CFAP299: variants seen among roughly 807,000 people sequenced by gnomAD.
The protein encoded by CFAP299 is cilia and flagella associated protein 299.
A neutral mutation model predicts 27.0 loss-of-function variants in CFAP299; 21 were observed. The ratio of observed to expected loss-of-function variants is 0.78; its 90% confidence interval spans 0.55 to 1.12. CFAP299 has a LOEUF of 1.12. CFAP299 is among the 50% of genes most tolerant of loss of function. CFAP299 has a pLI of 0.00. For missense variants in CFAP299, 310 were observed against 276.6 expected, an observed-to-expected ratio of 1.12 and a Z score of -0.86; for synonymous variants, 104 against 98.1, an observed-to-expected ratio of 1.06 and a Z score of -0.36.
At chr4:80,362,323 C>T (rs1177497378) in intron 1 of CFAP299, among the ~76,000 whole-genome samples, 2 of 150,670 alleles carry the variant, frequency 1.3e-5, no homozygotes, top group African/African-American at 4.9e-5. Context: ...ACAATGAGCT[C>T]TCTCAAAGCA....
chr4:80,817,738 A>G lies in CFAP299; in HGVS notation c.334-52255A>G, dbSNP rs543721681. Among the ~76,000 whole-genome samples, 11 of 150,780 alleles carry G rather than the reference A, an allele frequency of 7.3e-5. No homozygotes were observed. The South Asian group carries it at 8.4e-4, about 12-fold the overall frequency. ...AAGTACAAACAACTTTTTTTTTTCC[A>G]AATTTCTCTTTACCTTTTAGTTGTA... On this transcript the variant is annotated intron_variant, in intron 3 of 5. Transcript: ENST00000358105.
At chr4:80,914,559 G>A (rs569517488) in intron 4 of CFAP299, among the ~76,000 whole-genome samples, 5 of 152,056 alleles carry the variant, frequency 3.3e-5, no homozygotes, top group African/African-American at 9.7e-5. Flanking sequence ...GGAGGAAAAC[G>A]CCTCCCCATA....
chr4:80,821,763 G>A (rs1223362583), intron 3 of CFAP299, among the ~76,000 whole-genome samples: 6 of 152,066 alleles, frequency 3.9e-5, no homozygotes, highest in Non-Finnish European at 5.9e-5. Flanking sequence ...CACAGCACAC[G>A]AATAATAAAC....
At chr4:80,735,855 T>A (rs1160346364) in intron 3 of CFAP299, among the ~76,000 whole-genome samples, 1 of 152,154 alleles carries the variant, frequency 6.6e-6, no homozygotes, top group Non-Finnish European at 1.5e-5. Context: ...TTGTTGAGGT[T>A]TTTTACATAA....
intron 2 of CFAP299, among the ~76,000 whole-genome samples, chr4:80,481,295 G>A (rs1730554502): frequency 6.6e-6 from 1 of 151,958 alleles, no homozygotes; most frequent in Admixed American, 6.6e-5. Context: ...AAAATAATGT[G>A]CTAAAATTAT....
chr4:80,829,843 G>A (rs1486993076), intron 3 of CFAP299, among the ~76,000 whole-genome samples: 1 of 152,062 alleles, frequency 6.6e-6, no homozygotes, highest in Non-Finnish European at 1.5e-5. Context: ...CAAATATACT[G>A]TATGATTCCG....
chr4:80,671,754 GC>G, intron 3 of CFAP299, among the ~76,000 whole-genome samples: 1 of 152,116 alleles, frequency 6.6e-6, no homozygotes, highest in Non-Finnish European at 1.5e-5. Flanking sequence ...ACTCTTTGAA[GC>G]CACTGTGAAT....
In CFAP299 at chr4:80,854,338, T is replaced by C. The variant is rs1168109130; in HGVS notation, c.334-15655T>C. On this transcript the variant is annotated intron_variant, in intron 3 of 5. Coordinates refer to ENST00000358105, the MANE Select transcript of CFAP299 (RefSeq NM_152770.3). ...AATGACTGTAATAGCTAAAGAAATA[T>C]TGAGGATTCTGCTATAAGGAGAAGC... is the stretch of plus-strand genomic sequence containing the variant. 3.3e-5 allele frequency among the ~76,000 whole-genome samples: 5 copies of C among 150,842 alleles called. No individual in the cohort carries two copies. The East Asian group carries it at 7.7e-4, about 23-fold the overall frequency.
At chr4:80,669,702 C>G (rs1264706305) in intron 3 of CFAP299, among the ~76,000 whole-genome samples, 1 of 151,602 alleles carries the variant, frequency 6.6e-6, no homozygotes, top group Non-Finnish European at 1.5e-5. Context: ...TGCCTCACTG[C>G]TCTGGTGAGA....
chr4:80,820,017 A>G (rs1249743752), intron 3 of CFAP299, among the ~76,000 whole-genome samples: 2 of 152,150 alleles, frequency 1.3e-5, no homozygotes, highest in African/African-American at 4.8e-5. Flanking sequence ...CTGAAAAGTG[A>G]TAAGAGAACA....
At chr4:80,844,155 C>G (rs112078394) in intron 3 of CFAP299, among the ~76,000 whole-genome samples, 2,432 of 152,012 alleles carry the variant, frequency 0.016, 29 homozygotes, top group African/African-American at 0.032. Flanking sequence ...GTCTATCATT[C>G]TTGGACATTT....
In CFAP299 at chr4:80,569,184, C is replaced by T. The variant is rs545965811; in HGVS notation, c.243-13909C>T. Reference sequence around the variant, plus strand: ...ACCCTGTTGATAGCTCCATTATACTCTCTCCCCTTAAGCTCTTTCAGTGTT... The same window carrying T: ...ACCCTGTTGATAGCTCCATTATACTTTCTCCCCTTAAGCTCTTTCAGTGTT... On this transcript the variant is annotated intron_variant, in intron 2 of 5. Transcript: ENST00000358105. Among the ~76,000 whole-genome samples, 5 of 152,190 alleles carry T rather than the reference C, an allele frequency of 3.3e-5. No individual in the cohort carries two copies. The South Asian group carries it at 1.0e-3, about 32-fold the overall frequency.
chr4:80,458,264 T>C (rs1336831350), intron 2 of CFAP299, among the ~76,000 whole-genome samples: 1 of 152,252 alleles, frequency 6.6e-6, no homozygotes, highest in Non-Finnish European at 1.5e-5. Flanking sequence ...ATGTTTCTTT[T>C]TCTTCCTGAG....
chr4:80,846,359 C>A (rs59372190), intron 3 of CFAP299, among the ~76,000 whole-genome samples: 1 of 152,058 alleles, frequency 6.6e-6, no homozygotes, highest in African/African-American at 2.4e-5. Context: ...CTGTGAACTC[C>A]ATGAGGTCAG....
At chr4:80,532,752 C>A (rs988896564) in intron 2 of CFAP299, among the ~76,000 whole-genome samples, 1 of 150,254 alleles carries the variant, frequency 6.7e-6, no homozygotes, top group Non-Finnish European at 1.5e-5. Flanking sequence ...ATTTATAAAT[C>A]TCTGTGTTAT....
At chr4:80,901,618 G>A (rs1417496835) in intron 4 of CFAP299, among the ~76,000 whole-genome samples, 1 of 151,878 alleles carries the variant, frequency 6.6e-6, no homozygotes, top group Non-Finnish European at 1.5e-5. Context: ...GCCACAATTG[G>A]GTCTCCATGC....
intron 3 of CFAP299, among the ~76,000 whole-genome samples, chr4:80,726,929 G>A (rs948952246): frequency 2.0e-5 from 3 of 151,844 alleles, no homozygotes; most frequent in East Asian, 1.9e-4. Context: ...CATGATTAAT[G>A]TTTTTCTTTT....
At chr4:80,443,497 C>T (rs1336868835) in intron 2 of CFAP299, among the ~76,000 whole-genome samples, 1 of 152,162 alleles carries the variant, frequency 6.6e-6, no homozygotes, top group East Asian at 1.9e-4. Flanking sequence ...ATGCTAAAAG[C>T]ACTCAATAAG....
At chr4:80,794,646 T>C (rs570704626) in intron 3 of CFAP299, among the ~76,000 whole-genome samples, 1 of 152,232 alleles carries the variant, frequency 6.6e-6, no homozygotes, top group East Asian at 1.9e-4. Flanking sequence ...AGCTGGAAAG[T>C]GAGTGCGTTG....
Sources: gnomAD v4.1 joint callset for allele counts (sites outside exome capture counted in the v4.1 genomes callset) on GRCh38, gnomAD v4.1.1 for gene constraint, MANE v1.5 for transcripts, NCBI Gene and HGNC (gene_info 2026-07-23, HGNC 2026-07-21) for gene names.